NUP160: variants seen among roughly 807,000 people sequenced by gnomAD.
NUP160 encodes nucleoporin 160, also known as nuclear pore complex protein Nup160.
In NUP160, 94 loss-of-function variants were observed where a neutral mutation model predicts 196.9. The ratio of observed to expected loss-of-function variants is 0.48; its 90% confidence interval spans 0.40 to 0.57. NUP160 has a LOEUF of 0.57. NUP160 is among the 20% of genes least tolerant of loss of function. NUP160 has a pLI of 0.00. For synonymous variants in NUP160, 605 were observed against 619.7 expected, an observed-to-expected ratio of 0.98 and a Z score of 0.35; for missense variants, 1,638 against 1,748.3, an observed-to-expected ratio of 0.94 and a Z score of 1.13.
exon 20 of NUP160, chr11:47,806,254 A>G (rs138635597): frequency 5.0e-6 from 8 of 1,613,596 alleles, no homozygotes; most frequent in Non-Finnish European, 6.8e-6. Flanking sequence ...GGTGAGATAT[A>G]ATGTGTTTTC....
At chr11:47,846,611 A>G (rs1016157688) in intron 2 of NUP160, among the ~76,000 whole-genome samples, 5 of 152,050 alleles carry the variant, frequency 3.3e-5, no homozygotes, top group Admixed American at 6.6e-5. Context: ...GAATCCATCT[A>G]CTTTTCTATT....
rs1348042105 is a variant in NUP160, at chr11:47,782,304, ATATATATATATATATATAT to A, written c.4116+750_4116+768del. ...AAAACTCAGTTAAAAAAAAAAAAAA[ATATATATATATATATATAT>A]ATATATATATATATATATATATATA... On this transcript the variant is annotated intron_variant, in intron 34 of 35. Coordinates refer to ENST00000378460, the Ensembl canonical transcript of NUP160. 2.8e-3 allele frequency among the ~76,000 whole-genome samples: 145 copies of A among 52,150 alleles called. 27 individuals carry two copies. Among genetic ancestry groups the A allele is most frequent in the African/African-American group, 9.7e-3 (132 of 13,592 alleles). The allele number at this position is 52,150 out of a possible 152,430, so 34.2% of individuals were successfully genotyped here.
At chr11:47,845,590 ATTG>A (rs1398750336) in intron 2 of NUP160, among the ~76,000 whole-genome samples, 1 of 151,934 alleles carries the variant, frequency 6.6e-6, no homozygotes, top group Non-Finnish European at 1.5e-5. Flanking sequence ...TTTTTTGGTT[ATTG>A]TTGTTGTTGC....
At chr11:47,848,461 C>T in exon 1 of NUP160, 1 of 1,446,656 alleles carries the variant, frequency 6.9e-7, no homozygotes, top group Non-Finnish European at 9.2e-7. Flanking sequence ...CGTTGCGAGG[C>T]TTCCACCGGG....
intron 20 of NUP160, among the ~76,000 whole-genome samples, chr11:47,805,451 T>TTTTC (rs1555001328): frequency 6.7e-6 from 1 of 149,576 alleles, no homozygotes; most frequent in African/African-American, 2.5e-5. Context: ...TAATGTCTTT[T>TTTTC]TTTTTTTTTT....
chr11:47,788,265 C>T (rs1314978364), exon 31 of NUP160: 18 of 1,613,994 alleles, frequency 1.1e-5, no homozygotes, highest in Non-Finnish European at 1.5e-5. Context: ...AGAGGCCCGC[C>T]TGAACCAAGA....
At chr11:47,795,097 C>CA (rs555602626) in intron 27 of NUP160, among the ~76,000 whole-genome samples, 59 of 144,774 alleles carry the variant, frequency 4.1e-4, no homozygotes, top group African/African-American at 7.3e-4. Context: ...GAGACTGTCT[C>CA]AAAAAAAAAA....
At chr11:47,803,175 T>TAAA (rs2097675351) in intron 22 of NUP160, among the ~76,000 whole-genome samples, 1 of 147,622 alleles carries the variant, frequency 6.8e-6, no homozygotes, top group African/African-American at 2.5e-5. Flanking sequence ...ATAATAATAA[T>TAAA]AATAAAAGGA....
chr11:47,800,041 G>A (rs1187584239), intron 23 of NUP160, among the ~76,000 whole-genome samples: 1 of 151,984 alleles, frequency 6.6e-6, no homozygotes, highest in Non-Finnish European at 1.5e-5. Context: ...ATCACTAGAG[G>A]CCAGGAGTTC....
chr11:47,827,046 C>T (rs1226464589), intron 7 of NUP160: 1 of 455,962 alleles, frequency 2.2e-6, no homozygotes. Flanking sequence ...AAAGGGGAAC[C>T]TCCTCAACAC....
At chr11:47,827,278 C>T (rs759082755) in intron 7 of NUP160, 84 of 388,444 alleles carry the variant, frequency 2.2e-4, no homozygotes, top group Non-Finnish European at 2.6e-4. Context: ...GTGGGAGGAT[C>T]GCTTGAACCT....
At chr11:47,831,470 T>C (rs1166032168) in intron 7 of NUP160, among the ~76,000 whole-genome samples, 1 of 152,146 alleles carries the variant, frequency 6.6e-6, no homozygotes, top group African/African-American at 2.4e-5. Context: ...AATGGTGGTA[T>C]ACAACTGAAA....
At chr11:47,811,988 G>A in intron 17 of NUP160, 76 bp downstream of exon 17, 1 of 1,369,742 alleles carries the variant, frequency 7.3e-7, no homozygotes, top group Non-Finnish European at 1.0e-6. Flanking sequence ...TAGTAGGGCT[G>A]ACATTTTGCT....
intron 17 of NUP160, among the ~76,000 whole-genome samples, chr11:47,809,202 C>T (rs927160826): frequency 1.5e-5 from 2 of 137,234 alleles, no homozygotes; most frequent in African/African-American, 5.5e-5. Flanking sequence ...TGCAGTGGGC[C>T]GAGATTGAGC....
chr11:47,844,927 A>T (rs1026390378), intron 2 of NUP160, among the ~76,000 whole-genome samples: 1 of 152,220 alleles, frequency 6.6e-6, no homozygotes, highest in African/African-American at 2.4e-5. Context: ...CAAAATGGCG[A>T]CAAGGGTGAC....
intron 7 of NUP160, among the ~76,000 whole-genome samples, chr11:47,832,803 T>C (rs1326181762): frequency 1.3e-5 from 2 of 152,238 alleles, no homozygotes; most frequent in African/African-American, 2.4e-5. Context: ...GCTGTATGTA[T>C]TGGGCACTTA....
intron 22 of NUP160, among the ~76,000 whole-genome samples, chr11:47,802,238 C>G (rs547300180): frequency 1.3e-5 from 2 of 152,066 alleles, no homozygotes; most frequent in South Asian, 4.2e-4. Flanking sequence ...TGAGACCAGC[C>G]TGACCAACAC....
intron 20 of NUP160, 94 bp downstream of exon 20, chr11:47,806,059 C>G (rs2097677393): frequency 1.7e-6 from 2 of 1,184,220 alleles, no homozygotes; most frequent in Non-Finnish European, 2.5e-6. Context: ...AGTGATAAAC[C>G]TGCCTCCACC....
chr11:47,835,422 T>C (rs1852153940), intron 7 of NUP160, among the ~76,000 whole-genome samples: 1 of 152,246 alleles, frequency 6.6e-6, no homozygotes, highest in African/African-American at 2.4e-5. Flanking sequence ...TCTTCTTGTT[T>C]AGTTTCTGTT....
Sources: allele counts gnomAD v4.1 joint callset (sites outside exome capture counted in the v4.1 genomes callset), GRCh38; gene constraint gnomAD v4.1.1; transcripts MANE v1.5; gene names NCBI Gene and HGNC (gene_info 2026-07-23, HGNC 2026-07-21).